The following LDB2 variants were observed in gnomAD, a reference collection of about 807,000 sequenced individuals.
LDB2 encodes the protein LIM domain binding 2, also known as LIM domain-binding protein 2.
LDB2 carries 12 observed loss-of-function variants against 44.3 expected under a neutral mutation model. The observed-to-expected ratio is 0.27, with a 90% confidence interval of 0.17 to 0.44. The LOEUF is 0.44. Ranked by LOEUF, LDB2 falls within the 20% of genes least tolerant of loss-of-function variation. The probability of loss-of-function intolerance (pLI) is 1.00; values close to 1 mark genes in which losing one functional copy is unlikely to be tolerated. For missense variants in LDB2, 344 were observed against 473.5 expected (o/e 0.73, Z 2.54); for synonymous variants, 164 against 174.8 (o/e 0.94, Z 0.49).
intron 5 of LDB2, among the ~76,000 whole-genome samples, chr4:16,558,328 T>C (rs1035300797): frequency 1.3e-5 from 2 of 151,956 alleles, no homozygotes; most frequent in Non-Finnish European, 2.9e-5. Flanking sequence ...TTTAGACAAA[T>C]GTGTAACTAG....
intron 1 of LDB2, among the ~76,000 whole-genome samples, chr4:16,773,346 T>C (rs1374204970): frequency 6.6e-6 from 1 of 152,198 alleles, no homozygotes; most frequent in Non-Finnish European, 1.5e-5. Context: ...TATTACATTC[T>C]AATATATAAT....
chr4:16,596,080 C>A (rs113452310), intron 2 of LDB2, among the ~76,000 whole-genome samples: 1 of 152,042 alleles, frequency 6.6e-6, no homozygotes, highest in African/African-American at 2.4e-5. Context: ...AGGAAAAATG[C>A]GTCCAGTCAT....
chr4:16,635,060 A>G (rs1031898630), intron 2 of LDB2, among the ~76,000 whole-genome samples: 11 of 152,110 alleles, frequency 7.2e-5, no homozygotes, highest in Non-Finnish European at 1.5e-4. Context: ...CAAACACCAC[A>G]TGTTCTCACT....
At chr4:16,822,013 G>A (rs1782177777) in intron 1 of LDB2, among the ~76,000 whole-genome samples, 1 of 151,808 alleles carries the variant, frequency 6.6e-6, no homozygotes, top group Admixed American at 6.6e-5. Context: ...TAGCCCCAGA[G>A]AGACCTAGAC....
chr4:16,862,602 C>A (rs1447975504), intron 1 of LDB2, among the ~76,000 whole-genome samples: 2 of 138,280 alleles, frequency 1.4e-5, no homozygotes, highest in East Asian at 4.2e-4. Context: ...CATTGCACTC[C>A]AGCCTGGGCA....
intron 7 of LDB2, among the ~76,000 whole-genome samples, chr4:16,507,944 G>A (rs773585018): frequency 1.3e-5 from 2 of 152,196 alleles, no homozygotes; most frequent in Non-Finnish European, 2.9e-5. Flanking sequence ...TCAAGATAAA[G>A]AAATGAAAGA....
chr4:16,639,216 A>T (rs889560212), intron 2 of LDB2, among the ~76,000 whole-genome samples: 1 of 152,220 alleles, frequency 6.6e-6, no homozygotes, highest in Admixed American at 6.5e-5. Flanking sequence ...GTTGTCTGGG[A>T]GAAAACAATG....
chr4:16,661,219 A>C (rs904710975), intron 2 of LDB2, among the ~76,000 whole-genome samples: 3 of 152,232 alleles, frequency 2.0e-5, no homozygotes, highest in African/African-American at 7.2e-5. Flanking sequence ...ACTGCTAGAC[A>C]GTGAAATCAA....
intron 1 of LDB2, among the ~76,000 whole-genome samples, chr4:16,784,339 C>T (rs1773929392): frequency 6.6e-6 from 1 of 152,176 alleles, no homozygotes; most frequent in African/African-American, 2.4e-5. Context: ...ACCTCTACAC[C>T]TCTGTTTCCT....
chr4:16,789,688 C>T lies in LDB2; in HGVS notation c.133-30428G>A, dbSNP rs1579681539. On this transcript the variant is annotated intron_variant, in intron 1 of 7. Transcript: ENST00000304523. The stretch of plus-strand genomic sequence containing the variant: ...CTCATGCCTGTAATCCCAGCACTTT[C>T]GGAGGCCAAGGCGAGCAGATCACTT... Among the ~76,000 whole-genome samples the T allele has an allele frequency of 2.6e-5, 4 of 152,134 alleles. No homozygotes were observed. The South Asian group carries it at 6.2e-4, about 24-fold the overall frequency.
intron 5 of LDB2, among the ~76,000 whole-genome samples, chr4:16,558,279 G>T (rs961570804): frequency 3.3e-5 from 5 of 152,126 alleles, no homozygotes; most frequent in African/African-American, 9.7e-5. Flanking sequence ...AGGAGGAAAT[G>T]CAAACCAAAG....
intron 1 of LDB2, among the ~76,000 whole-genome samples, chr4:16,788,953 C>T (rs753163331): frequency 3.9e-5 from 6 of 152,128 alleles, no homozygotes; most frequent in South Asian, 2.1e-4. Flanking sequence ...GCCCCCAGAC[C>T]GGATTTCATT....
chr4:16,819,821 C>T (rs538507721), intron 1 of LDB2, among the ~76,000 whole-genome samples: 1 of 152,198 alleles, frequency 6.6e-6, no homozygotes, highest in East Asian at 1.9e-4. Flanking sequence ...ACTGAAATTC[C>T]ATGATTCAGC....
At chr4:16,765,913 G>A (rs896793053) in intron 1 of LDB2, among the ~76,000 whole-genome samples, 30 of 152,202 alleles carry the variant, frequency 2.0e-4, no homozygotes, top group Non-Finnish European at 4.1e-4. Context: ...ATACATCTCA[G>A]TGAAATGTTG....
intron 3 of LDB2, among the ~76,000 whole-genome samples, chr4:16,594,252 G>A (rs2152436997): frequency 6.6e-6 from 1 of 152,104 alleles, no homozygotes; most frequent in East Asian, 1.9e-4. Flanking sequence ...GAAATGAATG[G>A]CTTGCAAAAT....
chr4:16,542,999 C>T (rs957208810), intron 5 of LDB2, among the ~76,000 whole-genome samples: 1 of 146,414 alleles, frequency 6.8e-6, no homozygotes, highest in African/African-American at 2.5e-5. Context: ...TTTCACTTCC[C>T]ACCTGTGAGT....
chr4:16,817,930 A>G (rs1781251419), intron 1 of LDB2, among the ~76,000 whole-genome samples: 1 of 152,090 alleles, frequency 6.6e-6, no homozygotes, highest in African/African-American at 2.4e-5. Flanking sequence ...AAAAAAAATT[A>G]CCCCAAAATT....
chr4:16,695,223 T>C (rs1420247175), intron 2 of LDB2, among the ~76,000 whole-genome samples: 1 of 152,092 alleles, frequency 6.6e-6, no homozygotes, highest in East Asian at 1.9e-4. Flanking sequence ...TCCAAATAGA[T>C]GCAGGCCACA....
intron 5 of LDB2, among the ~76,000 whole-genome samples, chr4:16,519,449 T>G (rs1725135281): frequency 6.6e-6 from 1 of 151,986 alleles, no homozygotes; most frequent in South Asian, 2.1e-4. Flanking sequence ...TCGTAACTGC[T>G]ATGTTGTTTA....
Sources: allele counts gnomAD v4.1 joint callset (sites outside exome capture counted in the v4.1 genomes callset), GRCh38; gene constraint gnomAD v4.1.1; transcripts MANE v1.5; gene names NCBI Gene and HGNC (gene_info 2026-07-23, HGNC 2026-07-21).